SNTG1: variants seen among roughly 807,000 people sequenced by gnomAD.
SNTG1 encodes the protein syntrophin gamma 1.
SNTG1 carries 39 observed loss-of-function variants against 74.7 expected under a neutral mutation model. The observed-to-expected ratio is 0.52, with a 90% confidence interval of 0.40 to 0.68. The LOEUF (loss-of-function observed/expected upper bound fraction) is 0.68, where lower values mean the gene tolerates loss of function less well. SNTG1 is among the 30% of genes least tolerant of loss of function. The probability of loss-of-function intolerance (pLI) is 0.00; values close to 1 mark genes in which losing one functional copy is unlikely to be tolerated. For synonymous variants in SNTG1, 254 were observed against 217.1 expected (o/e 1.17, Z -1.49); for missense variants, 685 against 609.5 (o/e 1.12, Z -1.30).
At chr8:50,562,840 C>A (rs974068872) in intron 12 of SNTG1, among the ~76,000 whole-genome samples, 19 of 152,146 alleles carry the variant, frequency 1.2e-4, no homozygotes, top group African/African-American at 4.3e-4. Flanking sequence ...AGTCCCAGTG[C>A]AAATCAGCCT....
chr8:50,427,471 C>T (rs2093177854), intron 4 of SNTG1, among the ~76,000 whole-genome samples: 1 of 151,898 alleles, frequency 6.6e-6, no homozygotes. Context: ...CCTCTGTTAC[C>T]AAGCTTGGGT....
chr8:49,919,326 A>G (rs577305609), intron 1 of SNTG1, among the ~76,000 whole-genome samples: 15 of 152,198 alleles, frequency 9.9e-5, no homozygotes, highest in African/African-American at 3.6e-4. Flanking sequence ...GGTATTAGTT[A>G]TTGACTAATA....
chr8:50,369,977 T>C (rs2092230148), intron 2 of SNTG1, among the ~76,000 whole-genome samples: 1 of 152,200 alleles, frequency 6.6e-6, no homozygotes, highest in African/African-American at 2.4e-5. Flanking sequence ...CTATATTCCA[T>C]GGTGTGATCT....
intron 8 of SNTG1, among the ~76,000 whole-genome samples, chr8:50,465,314 G>A (rs1026302405): frequency 6.6e-6 from 1 of 152,176 alleles, no homozygotes; most frequent in African/African-American, 2.4e-5. Context: ...TTATCAGGTA[G>A]AGTAGAAGAA....
intron 1 of SNTG1, among the ~76,000 whole-genome samples, chr8:49,935,068 G>A (rs1807934550): frequency 6.6e-6 from 1 of 151,992 alleles, no homozygotes; most frequent in South Asian, 2.1e-4. Flanking sequence ...GGCAGAAAAG[G>A]TGTTGTCTAG....
At chr8:50,620,487 G>A (rs1480979654) in intron 13 of SNTG1, among the ~76,000 whole-genome samples, 4 of 152,158 alleles carry the variant, frequency 2.6e-5, no homozygotes, top group East Asian at 1.9e-4. Flanking sequence ...TGGGAGACAG[G>A]CATGTGTCAG....
At chr8:50,627,328 C>A in intron 13 of SNTG1, among the ~76,000 whole-genome samples, 1 of 152,164 alleles carries the variant, frequency 6.6e-6, no homozygotes, top group East Asian at 1.9e-4. Context: ...AAAAAACCAT[C>A]ATGAATGGAT....
intron 15 of SNTG1, among the ~76,000 whole-genome samples, chr8:50,692,703 C>T (rs573537841): frequency 1.3e-5 from 2 of 152,246 alleles, no homozygotes; most frequent in East Asian, 3.9e-4. Flanking sequence ...GGTCAGGGAC[C>T]CACTTGAGGA....
chr8:50,285,037 G>A (rs900498536), intron 2 of SNTG1, among the ~76,000 whole-genome samples: 2 of 152,078 alleles, frequency 1.3e-5, no homozygotes, highest in East Asian at 1.9e-4. Flanking sequence ...TTTCATTTGT[G>A]TGCTTTTATT....
At chr8:50,502,507 T>C (rs2093969414) in intron 8 of SNTG1, among the ~76,000 whole-genome samples, 2 of 152,218 alleles carry the variant, frequency 1.3e-5, no homozygotes, top group African/African-American at 4.8e-5. Flanking sequence ...TATTGCCTAA[T>C]ATAGAGCATA....
At chr8:50,034,895 G>A (rs1172795046) in intron 1 of SNTG1, among the ~76,000 whole-genome samples, 3 of 152,138 alleles carry the variant, frequency 2.0e-5, no homozygotes. Flanking sequence ...GTTAGTCCTG[G>A]ATTGTCATGA....
Position 50,439,496 on chromosome 8 carries a change from GA to G in SNTG1, c.219+900del, listed in dbSNP as rs200928155. On this transcript the variant is annotated intron_variant, in intron 5 of 18. Coordinates refer to ENST00000642720, the MANE Select transcript of SNTG1 (RefSeq NM_018967.5). The stretch of plus-strand genomic sequence containing the variant: ...GACTTTGTGAAAATGACTCAGAGTA[GA>G]AATCAGTATGCAATAGCGTTGTATT... 2.1e-4 allele frequency among the ~76,000 whole-genome samples: 32 copies of G among 152,110 alleles called. No individual in the cohort carries two copies. The East Asian group carries it at 6.0e-3, about 29-fold the overall frequency.
chr8:50,677,340 T>C (rs750901035), intron 15 of SNTG1, among the ~76,000 whole-genome samples: 2 of 151,992 alleles, frequency 1.3e-5, no homozygotes, highest in Admixed American at 6.6e-5. Context: ...AAATATTATG[T>C]TTAATAATGA....
At chr8:50,567,550 T>G (rs1424682941) in intron 12 of SNTG1, among the ~76,000 whole-genome samples, 4 of 152,074 alleles carry the variant, frequency 2.6e-5, no homozygotes, top group Non-Finnish European at 4.4e-5. Flanking sequence ...ATTCTAGCCT[T>G]AAAACAAGAG....
chr8:50,115,011 G>T (rs772230103), intron 1 of SNTG1, among the ~76,000 whole-genome samples: 2 of 152,058 alleles, frequency 1.3e-5, no homozygotes, highest in Non-Finnish European at 2.9e-5. Context: ...TATATGACAT[G>T]TACTTGTCAA....
At chr8:50,434,607 T>A (rs2093280766) in intron 4 of SNTG1, among the ~76,000 whole-genome samples, 1 of 152,192 alleles carries the variant, frequency 6.6e-6, no homozygotes, top group South Asian at 2.1e-4. Flanking sequence ...GGTATATCAT[T>A]GTGGTTTTGA....
intron 2 of SNTG1, among the ~76,000 whole-genome samples, chr8:50,364,664 AT>A (rs1231458601): frequency 1.3e-5 from 2 of 152,122 alleles, no homozygotes; most frequent in Non-Finnish European, 2.9e-5. Flanking sequence ...AATATGAATA[AT>A]TCATTCATAT....
At chr8:49,999,373 T>C (rs1814535752) in intron 1 of SNTG1, among the ~76,000 whole-genome samples, 1 of 152,078 alleles carries the variant, frequency 6.6e-6, no homozygotes, top group South Asian at 2.1e-4. Context: ...CCTGGGTGAG[T>C]ACGGTCTTCT....
chr8:49,913,870 A>G (rs1805789013), intron 1 of SNTG1, among the ~76,000 whole-genome samples: 1 of 152,168 alleles, frequency 6.6e-6, no homozygotes, highest in African/African-American at 2.4e-5. Flanking sequence ...ATGTGTTTCA[A>G]GAAGCACTCC....
Sources: allele counts gnomAD v4.1 joint callset (sites outside exome capture counted in the v4.1 genomes callset), GRCh38; gene constraint gnomAD v4.1.1; transcripts MANE v1.5; gene names NCBI Gene and HGNC (gene_info 2026-07-23, HGNC 2026-07-21).